Variants in FIGN observed in about 807,000 individuals in gnomAD.
FIGN encodes the protein fidgetin.
A neutral mutation model predicts 51.3 loss-of-function variants in FIGN; 11 were observed. The ratio of observed to expected loss-of-function variants is 0.21; its 90% confidence interval spans 0.13 to 0.35. The LOEUF is 0.35. Ranked by LOEUF, FIGN falls within the 10% of genes least tolerant of loss-of-function variation. FIGN has a pLI of 1.00. For synonymous variants in FIGN, 407 were observed against 363.2 expected, an observed-to-expected ratio of 1.12 and a Z score of -1.37; for missense variants, 857 against 943.6, an observed-to-expected ratio of 0.91 and a Z score of 1.20.
At chr2:163,728,859 T>C (rs920165691) in intron 2 of FIGN, among the ~76,000 whole-genome samples, 20 of 152,172 alleles carry the variant, frequency 1.3e-4, no homozygotes, top group African/African-American at 4.1e-4. Context: ...ATGCCTCACA[T>C]TTTAATTTTG....
At chr2:163,625,327 G>C (rs1442951077) in intron 2 of FIGN, among the ~76,000 whole-genome samples, 1 of 151,824 alleles carries the variant, frequency 6.6e-6, no homozygotes, top group South Asian at 2.1e-4. Flanking sequence ...CATTCTGAAA[G>C]AAACAACTAA....
At chr2:163,705,466 G>A (rs1446882723) in intron 2 of FIGN, among the ~76,000 whole-genome samples, 1 of 151,950 alleles carries the variant, frequency 6.6e-6, no homozygotes, top group Admixed American at 6.6e-5. Context: ...GACCCAGAGA[G>A]GTTGTGTTTT....
chr2:163,719,147 G>A (rs1263169322), intron 2 of FIGN, among the ~76,000 whole-genome samples: 1 of 152,118 alleles, frequency 6.6e-6, no homozygotes, highest in Admixed American at 6.5e-5. Context: ...GTACAATGAA[G>A]AAAACCACGA....
intron 2 of FIGN, among the ~76,000 whole-genome samples, chr2:163,723,245 T>C (rs1684787992): frequency 6.6e-6 from 1 of 152,056 alleles, no homozygotes; most frequent in African/African-American, 2.4e-5. Context: ...AACCAAGTGA[T>C]AGTTTCCTAT....
At chr2:163,676,455 A>C (rs1442679803) in intron 2 of FIGN, among the ~76,000 whole-genome samples, 2 of 89,534 alleles carry the variant, frequency 2.2e-5, no homozygotes, top group Non-Finnish European at 4.7e-5. Context: ...ATATATATAT[A>C]TATATATATA....
chr2:163,663,416 C>A (rs1421713209), intron 2 of FIGN, among the ~76,000 whole-genome samples: 1 of 151,732 alleles, frequency 6.6e-6, no homozygotes, highest in African/African-American at 2.4e-5. Flanking sequence ...CTCACCGCAA[C>A]CTCTGCCTCC....
intron 2 of FIGN, among the ~76,000 whole-genome samples, chr2:163,723,208 T>A (rs951490147): frequency 6.9e-4 from 104 of 151,518 alleles, no homozygotes; most frequent in Non-Finnish European, 9.3e-4. Flanking sequence ...ATAATAATAA[T>A]AAAATAATAA....
chr2:163,728,435 CACAA>C (rs1171684452), intron 2 of FIGN, among the ~76,000 whole-genome samples: 1 of 123,320 alleles, frequency 8.1e-6, no homozygotes, highest in Non-Finnish European at 1.8e-5. Flanking sequence ...CACACACACA[CACAA>C]AGTTCCTTTT....
At chr2:163,613,895 GCA>G (rs1375129019) in intron 2 of FIGN, among the ~76,000 whole-genome samples, 2 of 152,132 alleles carry the variant, frequency 1.3e-5, no homozygotes, top group Admixed American at 6.6e-5. Flanking sequence ...TCTGAATGCT[GCA>G]CAGTGTAACT....
In FIGN at chr2:163,708,636, T is replaced by C. The variant is rs188229781; in HGVS notation, c.25+26267A>G. Among the ~76,000 whole-genome samples the C allele has an allele frequency of 1.7e-4, 26 of 152,298 alleles. No homozygotes were observed. The East Asian group carries it at 5.0e-3, about 29-fold the overall frequency. On this transcript the variant is annotated intron_variant, in intron 2 of 2. Transcript: ENST00000333129. ...TAATTAAAATATTGTTTCTGTCTTT[T>C]AAAAAGTTTCAAATGCTTATAATAG...
At chr2:163,685,401 A>G (rs1684131697) in intron 2 of FIGN, among the ~76,000 whole-genome samples, 2 of 152,224 alleles carry the variant, frequency 1.3e-5, no homozygotes, top group African/African-American at 4.8e-5. Context: ...TCTCTCAGAC[A>G]GAAGTTTTTC....
intron 2 of FIGN, among the ~76,000 whole-genome samples, chr2:163,643,723 G>C (rs1296210433): frequency 1.3e-5 from 2 of 151,166 alleles, no homozygotes. Flanking sequence ...GGAGGCTGAG[G>C]CGGGTGGATC....
Position 163,611,089 on chromosome 2 carries a change from G to A in FIGN, c.743C>T (p.Pro248Leu), listed in dbSNP as rs375057438. ...GTSNLSSYSYPSASYPPQTAV... is the reference protein window; with the variant it reads ...GTSNLSSYSYLSASYPPQTAV... ...AGTCTGAGGAGGATAGCTAGCAGACGGATAGCTGTAACTGGAGAGGTTAGA... is the reference window on the plus strand; with the variant it reads ...AGTCTGAGGAGGATAGCTAGCAGACAGATAGCTGTAACTGGAGAGGTTAGA... The change falls in exon 3 of 3, where the codon CCG becomes CTG. Residue 248 changes from proline (P) to leucine (L), a missense_variant. Transcript: ENST00000333129. 3 of 1,614,062 alleles carry A rather than the reference G, an allele frequency of 1.9e-6. No homozygotes were observed. The highest frequency in any genetic ancestry group is 2.5e-6 in the Non-Finnish European group (3 of 1,179,986).
intron 2 of FIGN, among the ~76,000 whole-genome samples, chr2:163,716,577 G>A (rs1684671417): frequency 6.6e-6 from 1 of 152,168 alleles, no homozygotes; most frequent in Non-Finnish European, 1.5e-5. Context: ...CTGGGTTGAA[G>A]GGTGAGTGGA....
chr2:163,678,927 C>T (rs1288536551), intron 2 of FIGN, among the ~76,000 whole-genome samples: 1 of 152,136 alleles, frequency 6.6e-6, no homozygotes, highest in Non-Finnish European at 1.5e-5. Context: ...TCCTACTACC[C>T]CACTCACACA....
At chr2:163,712,650 T>C (rs921762123) in intron 2 of FIGN, among the ~76,000 whole-genome samples, 1 of 150,432 alleles carries the variant, frequency 6.6e-6, no homozygotes, top group Non-Finnish European at 1.5e-5. Flanking sequence ...TGTTGTGAGG[T>C]TTTTTTTAAG....
Position 163,606,197 on chromosome 2 carries a change from T to A in FIGN, c.*3355A>T, listed in dbSNP as rs1469894517. On this transcript the variant is annotated 3_prime_UTR_variant, in exon 3 of 3. Transcript: ENST00000333129. The stretch of plus-strand genomic sequence containing the variant: ...AAAGTATACTGCCTTCACATTCCAT[T>A]GATCAGCTCAGTCAGCAAAGTTTTT... The A allele has an allele frequency of 6.6e-6, 1 of 152,160 alleles. No individual in the cohort carries two copies. The highest frequency in any genetic ancestry group is 1.5e-5 in the Non-Finnish European group (1 of 68,016). 9.4% of individuals were successfully genotyped at this position (152,160 alleles called of 1,614,324 possible).
intron 2 of FIGN, among the ~76,000 whole-genome samples, chr2:163,679,495 C>CA (rs57717811): frequency 0.37 from 53,052 of 143,734 alleles, 10,062 homozygotes; most frequent in African/African-American, 0.52. Context: ...GACTCCGTCT[C>CA]AAAAAAAAAA....
At chr2:163,688,367 G>GA (rs1317622761) in intron 2 of FIGN, among the ~76,000 whole-genome samples, 1 of 152,148 alleles carries the variant, frequency 6.6e-6, no homozygotes, top group Non-Finnish European at 1.5e-5. Context: ...GAGCTATATT[G>GA]AATGTTACAG....
Sources: gnomAD v4.1 joint callset for allele counts (sites outside exome capture counted in the v4.1 genomes callset) on GRCh38, gnomAD v4.1.1 for gene constraint, MANE v1.5 for transcripts, NCBI Gene and HGNC (gene_info 2026-07-23, HGNC 2026-07-21) for gene names.